PACRG: variants seen among roughly 807,000 people sequenced by gnomAD.
PACRG encodes the protein parkin coregulated.
In PACRG, 29 loss-of-function variants were observed where a neutral mutation model predicts 29.7. That is an observed-to-expected ratio of 0.98 (90% confidence interval 0.73 to 1.33). The LOEUF (loss-of-function observed/expected upper bound fraction) is 1.33. PACRG is among the 40% of genes most tolerant of loss of function. PACRG has a pLI of 0.00. For missense variants in PACRG, 279 were observed against 316.2 expected (o/e 0.88, Z 0.89); for synonymous variants, 116 against 118.7 (o/e 0.98, Z 0.15).
chr6:163,015,727 C>G (rs1037479403), intron 2 of PACRG, among the ~76,000 whole-genome samples: 4 of 152,072 alleles, frequency 2.6e-5, no homozygotes, highest in Non-Finnish European at 4.4e-5. Flanking sequence ...AATAGTTTAT[C>G]AGTTCCAGGA....
At chr6:162,739,894 C>T (rs542708854) in intron 1 of PACRG, among the ~76,000 whole-genome samples, 84 of 148,360 alleles carry the variant, frequency 5.7e-4, no homozygotes, top group Non-Finnish European at 2.4e-4. Context: ...TTTTTTTGAT[C>T]CTAATATTGT....
chr6:163,125,752 T>C (rs1239053607), intron 4 of PACRG, among the ~76,000 whole-genome samples: 1 of 152,252 alleles, frequency 6.6e-6, no homozygotes, highest in African/African-American at 2.4e-5. Flanking sequence ...TTTTGAAAGA[T>C]AATTAGCTTT....
At chr6:163,025,775 C>A (rs890297924) in intron 2 of PACRG, among the ~76,000 whole-genome samples, 1 of 152,206 alleles carries the variant, frequency 6.6e-6, no homozygotes, top group Non-Finnish European at 1.5e-5. Context: ...GTTCTTTCCA[C>A]GCAGCCTCAG....
chr6:163,132,475 A>G (rs1816778275), intron 4 of PACRG, among the ~76,000 whole-genome samples: 1 of 152,190 alleles, frequency 6.6e-6, no homozygotes. Flanking sequence ...GACACCCAGA[A>G]TGTGATTCTT....
At chr6:163,082,708 C>A (rs1167453671) in intron 3 of PACRG, among the ~76,000 whole-genome samples, 1 of 152,086 alleles carries the variant, frequency 6.6e-6, no homozygotes, top group African/African-American at 2.4e-5. Context: ...TAGTTTACTT[C>A]TTTAGTCACT....
chr6:162,868,734 G>A (rs925961442), intron 2 of PACRG, among the ~76,000 whole-genome samples: 9 of 152,216 alleles, frequency 5.9e-5, no homozygotes, highest in African/African-American at 2.2e-4. Context: ...CATGCGCACA[G>A]GGTCTGCCGC....
chr6:163,233,908 G>T (rs1585356043), intron 4 of PACRG, among the ~76,000 whole-genome samples: 1 of 152,294 alleles, frequency 6.6e-6, no homozygotes, highest in East Asian at 1.9e-4. Flanking sequence ...TTCACCAAAT[G>T]AGAGACATTC....
intron 1 of PACRG, among the ~76,000 whole-genome samples, chr6:162,769,711 T>A (rs893876360): frequency 1.3e-5 from 2 of 151,758 alleles, no homozygotes; most frequent in Non-Finnish European, 2.9e-5. Context: ...TCACTTGGAA[T>A]TTTTCAGTAG....
intron 2 of PACRG, among the ~76,000 whole-genome samples, chr6:163,017,083 A>AAG (rs1259572631): frequency 6.6e-6 from 1 of 152,152 alleles, no homozygotes; most frequent in Non-Finnish European, 1.5e-5. Flanking sequence ...TTGAATGGCT[A>AAG]CTTTCAGTTA....
chr6:163,004,775 A>G (rs1432854822), intron 2 of PACRG, among the ~76,000 whole-genome samples: 1 of 149,230 alleles, frequency 6.7e-6, no homozygotes, highest in Non-Finnish European at 1.5e-5. Flanking sequence ...AATTTAATCT[A>G]TGTATGGGAT....
intron 4 of PACRG, among the ~76,000 whole-genome samples, chr6:163,177,875 C>G (rs1412378929): frequency 4.0e-5 from 6 of 151,868 alleles, no homozygotes; most frequent in African/African-American, 1.5e-4. Context: ...CTCCATGCAC[C>G]CCCAGGTGGG....
At chr6:162,983,803 G>C (rs1235571910) in intron 2 of PACRG, among the ~76,000 whole-genome samples, 5 of 151,844 alleles carry the variant, frequency 3.3e-5, no homozygotes, top group Non-Finnish European at 7.4e-5. Flanking sequence ...ACTTTTTTGT[G>C]ACAAATTTTT....
chr6:162,975,109 C>G (rs1052398459), intron 2 of PACRG, among the ~76,000 whole-genome samples: 6 of 152,138 alleles, frequency 3.9e-5, no homozygotes, highest in African/African-American at 1.4e-4. Context: ...GTTGTGTTCT[C>G]TCTGCCTTCT....
chr6:163,113,625 A>C (rs894431357), intron 4 of PACRG, among the ~76,000 whole-genome samples: 6 of 152,308 alleles, frequency 3.9e-5, no homozygotes, highest in Non-Finnish European at 7.4e-5. Context: ...AACAAACAAA[A>C]AAAATTGTCA....
chr6:163,285,348 C>T (rs139464456), intron 4 of PACRG, among the ~76,000 whole-genome samples: 24 of 152,190 alleles, frequency 1.6e-4, no homozygotes, highest in African/African-American at 4.6e-4. Flanking sequence ...CATCCCCACT[C>T]GGGCAGCACC....
chr6:163,227,161 C>T (rs1781839541), intron 4 of PACRG, among the ~76,000 whole-genome samples: 1 of 152,146 alleles, frequency 6.6e-6, no homozygotes, highest in African/African-American at 2.4e-5. Flanking sequence ...GTTCTGCAGG[C>T]TGTACAGGAA....
intron 2 of PACRG, among the ~76,000 whole-genome samples, chr6:162,923,935 A>G (rs927409862): frequency 4.6e-5 from 7 of 152,170 alleles, no homozygotes; most frequent in South Asian, 4.1e-4. Context: ...TGGTATTTTG[A>G]TAGAGATTAC....
intron 2 of PACRG, among the ~76,000 whole-genome samples, chr6:162,867,175 T>G (rs114334348): frequency 2.0e-5 from 3 of 152,114 alleles, no homozygotes; most frequent in Non-Finnish European, 2.9e-5. Flanking sequence ...ACCTGAATGC[T>G]CCCCAGTCTT....
At chr6:163,292,513 G>C (rs1311997572) in intron 4 of PACRG, among the ~76,000 whole-genome samples, 1 of 152,188 alleles carries the variant, frequency 6.6e-6, no homozygotes, top group East Asian at 1.9e-4. Context: ...CAATTCTCCT[G>C]CCTCGGCCTC....
Sources: gnomAD v4.1 joint callset for allele counts (sites outside exome capture counted in the v4.1 genomes callset) on GRCh38, gnomAD v4.1.1 for gene constraint, MANE v1.5 for transcripts, NCBI Gene and HGNC (gene_info 2026-07-23, HGNC 2026-07-21) for gene names.